The following VPS13B variants were observed in gnomAD, a reference collection of about 807,000 sequenced individuals.
The protein encoded by VPS13B is intermembrane lipid transfer protein VPS13B.
In VPS13B, 285 loss-of-function variants were observed where a neutral mutation model predicts 426.4. The observed-to-expected ratio is 0.67, with a 90% CI of 0.61 to 0.74. VPS13B has a LOEUF of 0.74. VPS13B is among the 30% of genes least tolerant of loss of function. The pLI, the probability that VPS13B is intolerant of heterozygous loss-of-function variation, is 0.00. For missense variants in VPS13B, 4,537 were observed against 4,782.6 expected, an observed-to-expected ratio of 0.95 and a Z score of 1.51; for synonymous variants, 1,676 against 1,676.4, an observed-to-expected ratio of 1.00 and a Z score of 0.01.
At chr8:99,769,513 G>A (rs1451090161) in intron 40 of VPS13B, among the ~76,000 whole-genome samples, 1 of 152,004 alleles carries the variant, frequency 6.6e-6, no homozygotes, top group African/African-American at 2.4e-5. Flanking sequence ...GGTTTGAGAA[G>A]GATTTACATC....
intron 19 of VPS13B, among the ~76,000 whole-genome samples, chr8:99,288,332 A>T (rs893845991): frequency 6.6e-6 from 1 of 151,998 alleles, no homozygotes; most frequent in African/African-American, 2.4e-5. Flanking sequence ...TTACTCTTCT[A>T]TGTTTTTTGA....
chr8:99,428,442 A>G (rs1816863946), intron 21 of VPS13B, among the ~76,000 whole-genome samples: 1 of 152,168 alleles, frequency 6.6e-6, no homozygotes, highest in Non-Finnish European at 1.5e-5. Flanking sequence ...AATTTACAAG[A>G]AAAAAACAAC....
chr8:99,632,810 T>C (rs2133914081), intron 33 of VPS13B, among the ~76,000 whole-genome samples: 1 of 152,136 alleles, frequency 6.6e-6, no homozygotes, highest in South Asian at 2.1e-4. Context: ...AAATATGATC[T>C]ATACAAAGTA....
intron 25 of VPS13B, among the ~76,000 whole-genome samples, chr8:99,499,316 C>T (rs1821102024): frequency 6.6e-6 from 1 of 152,028 alleles, no homozygotes; most frequent in African/African-American, 2.4e-5. Context: ...GGAAGTACAG[C>T]AAAGCTTTTA....
intron 30 of VPS13B, among the ~76,000 whole-genome samples, chr8:99,543,140 C>G (rs868228904): frequency 6.6e-6 from 1 of 151,862 alleles, no homozygotes. Context: ...CAAAACAGGG[C>G]CCTCAGAAAT....
At chr8:99,075,289 C>T (rs1031598567) in intron 3 of VPS13B, among the ~76,000 whole-genome samples, 1 of 152,146 alleles carries the variant, frequency 6.6e-6, no homozygotes, top group Non-Finnish European at 1.5e-5. Context: ...ATCTGCCTAG[C>T]TTCTGGGGAG....
chr8:99,535,145 A>G (rs1161309128), intron 30 of VPS13B, among the ~76,000 whole-genome samples: 1 of 152,224 alleles, frequency 6.6e-6, no homozygotes, highest in Non-Finnish European at 1.5e-5. Context: ...TGCAGAATTA[A>G]TAATAAATTA....
intron 34 of VPS13B, among the ~76,000 whole-genome samples, chr8:99,644,572 G>C (rs952253540): frequency 9.2e-5 from 14 of 152,020 alleles, no homozygotes; most frequent in Admixed American, 9.2e-4. Context: ...ATATAGGGGT[G>C]GGGGGTAAAT....
intron 16 of VPS13B, among the ~76,000 whole-genome samples, chr8:99,180,998 G>C (rs1205038668): frequency 5.3e-5 from 8 of 152,152 alleles, no homozygotes; most frequent in African/African-American, 1.9e-4. Context: ...CTGCTGTACA[G>C]CTTGACTATA....
chr8:99,394,507 G>A (rs1350985767), intron 21 of VPS13B, among the ~76,000 whole-genome samples: 1 of 152,132 alleles, frequency 6.6e-6, no homozygotes, highest in African/African-American at 2.4e-5. Context: ...GGCAGACTGA[G>A]CCAGAATAAA....
intron 17 of VPS13B, among the ~76,000 whole-genome samples, chr8:99,236,112 T>C (rs1816631563): frequency 6.6e-6 from 1 of 152,232 alleles, no homozygotes; most frequent in African/African-American, 2.4e-5. Flanking sequence ...TACTGGCTGA[T>C]GCTTCAAAGC....
At chr8:99,872,225 G>T (rs1817457714) in intron 61 of VPS13B, among the ~76,000 whole-genome samples, 1 of 152,112 alleles carries the variant, frequency 6.6e-6, no homozygotes. Flanking sequence ...AGAAGCAAGG[G>T]GCATCATGAA....
chr8:99,872,513 GC>G (rs1401722813), intron 61 of VPS13B, among the ~76,000 whole-genome samples: 2 of 152,196 alleles, frequency 1.3e-5, no homozygotes, highest in Non-Finnish European at 2.9e-5. Flanking sequence ...TCAAGGGGGA[GC>G]CCCAACCAGA....
At position 99,853,870 on chromosome 8, in the gene VPS13B, TTAA is replaced by T; in HGVS notation, c.10483_10485del (p.Asn3495del). 1 of 1,614,266 alleles carries T rather than the reference TTAA, an allele frequency of 6.2e-7. No homozygotes were observed. The highest frequency in any genetic ancestry group is 1.1e-5 in the South Asian group (1 of 91,090). ...GAAGGCAAGAGCATCCTCTGTGATATTAATGAGTTCAGCTTTGAATTAAAACCT... is the reference window on the plus strand; with the variant it reads ...GAAGGCAAGAGCATCCTCTGTGATATTGAGTTCAGCTTTGAATTAAAACCT... On this transcript the variant is annotated inframe_deletion, in exon 56 of 62. Transcript: ENST00000357162.
chr8:99,739,116 CT>C (rs1833956376), intron 39 of VPS13B, among the ~76,000 whole-genome samples: 2 of 152,358 alleles, frequency 1.3e-5, no homozygotes, highest in South Asian at 4.1e-4. Context: ...AATCAGGTCA[CT>C]CCCACCCTAA....
chr8:99,708,847 C>CTATATA (rs199794709), intron 36 of VPS13B, among the ~76,000 whole-genome samples: 10 of 148,206 alleles, frequency 6.7e-5, no homozygotes, highest in African/African-American at 2.2e-4. Context: ...CTCTCTCTCT[C>CTATATA]TCTATATATA....
At chr8:99,621,526 A>T (rs920722299) in intron 33 of VPS13B, among the ~76,000 whole-genome samples, 2 of 151,968 alleles carry the variant, frequency 1.3e-5, no homozygotes, top group Non-Finnish European at 2.9e-5. Flanking sequence ...AATATAGCCC[A>T]CTCTTCACTG....
chr8:99,521,057 C>A, intron 30 of VPS13B, 47 bp downstream of exon 30: 1 of 1,448,628 alleles, frequency 6.9e-7, no homozygotes, highest in Non-Finnish European at 9.7e-7. Context: ...TTTCATCCTG[C>A]AAACACATAT....
At position 99,253,484 on chromosome 8, in the gene VPS13B, C is replaced by T. The variant is rs145984753; in HGVS notation, c.2516-20714C>T. Among the ~76,000 whole-genome samples the T allele has an allele frequency of 6.3e-3, 963 of 152,238 alleles. 8 individuals carry two copies. The highest frequency in any genetic ancestry group is 0.022 in the African/African-American group (900 of 41,558). On this transcript the variant is annotated intron_variant, in intron 17 of 61. Coordinates refer to ENST00000357162, the MANE Select transcript of VPS13B (RefSeq NM_152564.5). ...TTCAATATCTCCACATCCTCACCAACGCTTGTTATTGTTTCTCTTTTTATT... is the reference window on the plus strand; with the variant it reads ...TTCAATATCTCCACATCCTCACCAATGCTTGTTATTGTTTCTCTTTTTATT...
Sources: gnomAD v4.1 joint callset for allele counts (sites outside exome capture counted in the v4.1 genomes callset) on GRCh38, gnomAD v4.1.1 for gene constraint, MANE v1.5 for transcripts, NCBI Gene and HGNC (gene_info 2026-07-23, HGNC 2026-07-21) for gene names.